LARGE1: variants seen among roughly 807,000 people sequenced by gnomAD.
The protein encoded by LARGE1 is xylosyl- and glucuronyltransferase LARGE1.
A neutral mutation model predicts 87.6 loss-of-function variants in LARGE1; 43 were observed. The ratio of observed to expected loss-of-function variants is 0.49; its 90% CI spans 0.38 to 0.63. The LOEUF (loss-of-function observed/expected upper bound fraction) is 0.63. Among genes scored for constraint, LARGE1 ranks in the 30% least tolerant of loss-of-function variants. The pLI, the probability that LARGE1 is intolerant of heterozygous loss-of-function variation, is 0.00. For synonymous variants in LARGE1, 434 were observed against 394.6 expected, an observed-to-expected ratio of 1.10 and a Z score of -1.18; for missense variants, 802 against 1,000.2, an observed-to-expected ratio of 0.80 and a Z score of 2.67.
At chr22:33,074,529 G>A in the LARGE1 span, among the ~76,000 whole-genome samples, 1 of 151,990 alleles carries the variant, frequency 6.6e-6, no homozygotes, top group African/African-American at 2.4e-5. Flanking sequence ...ACAAAAATTA[G>A]CCAGGTGTGG....
intron 1 of LARGE1, among the ~76,000 whole-genome samples, chr22:33,912,243 G>A (rs376362749): frequency 6.6e-6 from 1 of 152,118 alleles, no homozygotes; most frequent in African/African-American, 2.4e-5. Flanking sequence ...CGAGTTAGCC[G>A]CAGCAAGGTT....
the LARGE1 span, among the ~76,000 whole-genome samples, chr22:33,068,786 G>A: frequency 1.3e-5 from 2 of 152,156 alleles, no homozygotes; most frequent in Admixed American, 1.3e-4. Flanking sequence ...CCATCACCGT[G>A]TTGCCAGGCA....
intron 1 of LARGE1, among the ~76,000 whole-genome samples, chr22:33,906,266 T>C (rs181937475): frequency 5.4e-4 from 82 of 152,294 alleles, no homozygotes; most frequent in Non-Finnish European, 1.0e-3. Flanking sequence ...GAAGGGCACA[T>C]ATGTGAGGCT....
At chr22:33,186,091 T>C (rs1396219433) in intron 11 of LARGE1, among the ~76,000 whole-genome samples, 3 of 152,142 alleles carry the variant, frequency 2.0e-5, no homozygotes, top group East Asian at 3.8e-4. Context: ...TGTTGAAGTC[T>C]ATCAACCAAT....
At chr22:33,569,927 G>A (rs3819664) in intron 5 of LARGE1, among the ~76,000 whole-genome samples, 112,760 of 152,222 alleles carry the variant, frequency 0.74, 45,198 homozygotes, top group South Asian at 0.89. Context: ...GCATGACTAC[G>A]GAGTCAGCCA....
intron 1 of LARGE1, among the ~76,000 whole-genome samples, chr22:33,763,698 T>G (rs1170433684): frequency 6.6e-6 from 1 of 152,168 alleles, no homozygotes; most frequent in South Asian, 2.1e-4. Context: ...TAAATTAAGA[T>G]GATACCCTTT....
At chr22:33,294,267 G>A (rs1446989690) in intron 12 of LARGE1, among the ~76,000 whole-genome samples, 1 of 152,244 alleles carries the variant, frequency 6.6e-6, no homozygotes, top group Non-Finnish European at 1.5e-5. Flanking sequence ...AGGGCTGAAG[G>A]CACTGGGGCT....
At chr22:33,287,631 C>T (rs1432888833) in intron 12 of LARGE1, among the ~76,000 whole-genome samples, 4 of 152,208 alleles carry the variant, frequency 2.6e-5, no homozygotes, top group African/African-American at 9.6e-5. Context: ...ACATCTTACC[C>T]TGGATGGGGC....
At chr22:33,602,225 T>C (rs1466043767) in intron 5 of LARGE1, among the ~76,000 whole-genome samples, 1 of 152,198 alleles carries the variant, frequency 6.6e-6, no homozygotes, top group African/African-American at 2.4e-5. Context: ...AGTTAGAGAA[T>C]TCTTCGGCGG....
At chr22:33,406,271 G>A (rs74739479) in intron 7 of LARGE1, among the ~76,000 whole-genome samples, 14,587 of 151,920 alleles carry the variant, frequency 0.096, 1,144 homozygotes, top group African/African-American at 0.22. Flanking sequence ...ACAGCCTGGC[G>A]TGCCCCCTCC....
At chr22:33,428,624 TA>T (rs111786666) in intron 7 of LARGE1, among the ~76,000 whole-genome samples, 93,605 of 145,824 alleles carry the variant, frequency 0.64, 31,353 homozygotes, top group African/African-American at 0.82. Flanking sequence ...TGTCCTATCT[TA>T]AAAAAGAGAG....
At chr22:33,390,040 T>C (rs901407451) in intron 7 of LARGE1, among the ~76,000 whole-genome samples, 10 of 152,222 alleles carry the variant, frequency 6.6e-5, no homozygotes, top group African/African-American at 2.2e-4. Context: ...TAATTTAATT[T>C]TCTTTTCTTT....
At chr22:33,676,607 A>G (rs1373523538) in intron 2 of LARGE1, among the ~76,000 whole-genome samples, 1 of 152,030 alleles carries the variant, frequency 6.6e-6, no homozygotes, top group Non-Finnish European at 1.5e-5. Context: ...AAAAAATAAG[A>G]AAATCAACAA....
chr22:33,685,916 C>A (rs80214370), intron 2 of LARGE1, among the ~76,000 whole-genome samples: 17,324 of 152,194 alleles, frequency 0.11, 1,524 homozygotes, highest in African/African-American at 0.25. Flanking sequence ...CACAACCCCA[C>A]CTGTTGTGAG....
chr22:33,185,747 C>A (rs889660068), intron 11 of LARGE1, among the ~76,000 whole-genome samples: 1 of 152,056 alleles, frequency 6.6e-6, no homozygotes, highest in Non-Finnish European at 1.5e-5. Flanking sequence ...ATTAATAAAA[C>A]CGAAAGTCTG....
the LARGE1 span, among the ~76,000 whole-genome samples, chr22:33,144,189 T>A: frequency 2.0e-5 from 3 of 152,114 alleles, no homozygotes; most frequent in African/African-American, 7.2e-5. Flanking sequence ...CCTGATTTCA[T>A]GCCCAAAAAA....
intron 11 of LARGE1, among the ~76,000 whole-genome samples, chr22:33,251,083 C>T (rs1926991156): frequency 6.6e-6 from 1 of 152,128 alleles, no homozygotes; most frequent in African/African-American, 2.4e-5. Flanking sequence ...ACAATTTCTT[C>T]CTCAAATGTT....
intron 6 of LARGE1, among the ~76,000 whole-genome samples, chr22:33,535,962 A>G (rs1358290213): frequency 2.0e-5 from 3 of 152,178 alleles, no homozygotes; most frequent in Non-Finnish European, 2.9e-5. Flanking sequence ...GACCATGGAA[A>G]TGAGCTCATG....
At chr22:33,893,470 T>C (rs2065056426) in intron 1 of LARGE1, among the ~76,000 whole-genome samples, 1 of 152,218 alleles carries the variant, frequency 6.6e-6, no homozygotes, top group Non-Finnish European at 1.5e-5. Context: ...CCTGCCGTCA[T>C]CAGCTCACAT....
Sources: gnomAD v4.1 joint callset for allele counts (sites outside exome capture counted in the v4.1 genomes callset) on GRCh38, gnomAD v4.1.1 for gene constraint, MANE v1.5 for transcripts, NCBI Gene and HGNC (gene_info 2026-07-23, HGNC 2026-07-21) for gene names.